The following MCF2 variants were observed in gnomAD, a reference collection of about 807,000 sequenced individuals.
MCF2 encodes the protein MCF.2 cell line derived transforming sequence.
MCF2 carries 44 observed loss-of-function variants against 82.5 expected under a neutral mutation model. That is an observed-to-expected ratio of 0.53 (90% CI 0.42 to 0.69). MCF2 has a LOEUF of 0.69. Ranked by LOEUF, MCF2 falls within the 30% of genes least tolerant of loss-of-function variation. The probability of loss-of-function intolerance (pLI) is 0.00; values close to 1 mark genes in which losing one functional copy is unlikely to be tolerated. For missense variants in MCF2, 623 were observed against 663.1 expected, an observed-to-expected ratio of 0.94 and a Z score of 0.66; for synonymous variants, 217 against 224.9, an observed-to-expected ratio of 0.96 and a Z score of 0.32.
At chrX:139,620,716 G>A (rs1340360808) in intron 6 of MCF2, among the ~76,000 whole-genome samples, 1 of 111,341 alleles carries the variant, frequency 9.0e-6, no homozygotes, top group African/African-American at 3.3e-5. Context: ...GATCATACAT[G>A]ACACAAACAA....
rs912269027 is a variant in MCF2 at position 139,595,841 on chromosome X, GTTC to G, written c.2277+705_2277+707del. Among the ~76,000 whole-genome samples, 3 of 111,601 alleles carry G rather than the reference GTTC, an allele frequency of 2.7e-5. No individual in the cohort carries two copies. In the Admixed American group the frequency reaches 2.9e-4, roughly 11 times the overall value. On this transcript the variant is annotated intron_variant, in intron 19 of 24. Transcript: ENST00000370576. ...ATTATGGGTCTCATGTGAATTGGAA[GTTC>G]TTCTTCTCTATTGGAGAAACCAGCT...
chrX:139,705,688 T>A (rs1935576712), intron 1 of MCF2, among the ~76,000 whole-genome samples: 1 of 112,154 alleles, frequency 8.9e-6, no homozygotes, highest in Non-Finnish European at 1.9e-5. Flanking sequence ...TAAAAGCAAT[T>A]GCAATAAAAC....
At chrX:139,631,320 A>G in intron 3 of MCF2, 75 bp downstream of exon 6, 1 of 581,891 alleles carries the variant, frequency 1.7e-6, no homozygotes, top group Non-Finnish European at 2.6e-6. Context: ...TTCAAATAGG[A>G]AAGAATTCTA....
chrX:139,669,114 G>A (rs186236652), intron 1 of MCF2, among the ~76,000 whole-genome samples: 5 of 111,537 alleles, frequency 4.5e-5, no homozygotes, highest in Admixed American at 2.9e-4. Context: ...CAGAATAAGA[G>A]GATATATTTG....
At chrX:139,689,991 C>T (rs150197442) in intron 1 of MCF2, among the ~76,000 whole-genome samples, 3 of 112,079 alleles carry the variant, frequency 2.7e-5, no homozygotes, top group African/African-American at 6.5e-5. Flanking sequence ...TAAATAGCTT[C>T]GAAGTATATG....
At chrX:139,652,496 T>C (rs1434936746) in intron 1 of MCF2, among the ~76,000 whole-genome samples, 1 of 111,739 alleles carries the variant, frequency 8.9e-6, no homozygotes, top group Non-Finnish European at 1.9e-5. Context: ...TCATTTTTTA[T>C]CATTACAGAT....
chrX:139,635,925 C>A (rs1246047774), intron 1 of MCF2, among the ~76,000 whole-genome samples: 1 of 110,289 alleles, frequency 9.1e-6, no homozygotes. Flanking sequence ...TCTTTGTGTT[C>A]ATAACTTCTT....
At chrX:139,625,238 C>T (rs1161134197) in intron 6 of MCF2, among the ~76,000 whole-genome samples, 1 of 111,034 alleles carries the variant, frequency 9.0e-6, no homozygotes, top group East Asian at 2.8e-4. Flanking sequence ...ATTTGGTATG[C>T]ATGCAAATTA....
intron 6 of MCF2, among the ~76,000 whole-genome samples, chrX:139,624,715 A>T (rs909586960): frequency 9.0e-6 from 1 of 111,205 alleles, no homozygotes; most frequent in African/African-American, 3.3e-5. Context: ...GACTGAGTCA[A>T]CTGACAAAAT....
At chrX:139,624,207 C>A (rs954942536) in intron 6 of MCF2, among the ~76,000 whole-genome samples, 4 of 111,121 alleles carry the variant, frequency 3.6e-5, no homozygotes, top group African/African-American at 1.3e-4. Flanking sequence ...GAGAAGATGT[C>A]CAACAAACTC....
upstream of MCF2, chrX:139,642,920 C>T: frequency 1.5e-6 from 1 of 651,639 alleles, no homozygotes; most frequent in Non-Finnish European, 1.9e-6. Context: ...CTCCTCTGCG[C>T]AGTTTGATTT....
chrX:139,632,201 C>A, intron 2 of MCF2, 134 bp downstream of exon 5: 1 of 418,573 alleles, frequency 2.4e-6, no homozygotes, highest in African/African-American at 3.0e-5. Context: ...TTGGGCATTT[C>A]AAATGTATAC....
intron 20 of MCF2, 87 bp from the exon 25 acceptor site, chrX:139,588,525 A>T: frequency 1.8e-6 from 1 of 568,284 alleles, no homozygotes; most frequent in Admixed American, 2.9e-5. Flanking sequence ...GTAATTGTGT[A>T]CATAAAATAT....
chrX:139,598,707 A>C (rs1317152127), intron 16 of MCF2, among the ~76,000 whole-genome samples: 1 of 112,022 alleles, frequency 8.9e-6, no homozygotes, highest in Non-Finnish European at 1.9e-5. Context: ...TGGAGAGGTA[A>C]ACAATTTCAA....
intron 10 of MCF2, among the ~76,000 whole-genome samples, chrX:139,614,507 A>ATG (rs10578610): frequency 0.015 from 1,548 of 102,999 alleles, 15 homozygotes; most frequent in East Asian, 0.059. Flanking sequence ...AGCAGTAAAT[A>ATG]TGTGTGTGTG....
chrX:139,702,279 T>C (rs980384117), intron 1 of MCF2: 1 of 112,416 alleles, frequency 8.9e-6, no homozygotes, highest in African/African-American at 3.2e-5. Flanking sequence ...CGTCTTTTTT[T>C]CCCTTCATGT....
chrX:139,692,802 T>TGA (rs1466577890), intron 1 of MCF2, among the ~76,000 whole-genome samples: 1 of 112,272 alleles, frequency 8.9e-6, no homozygotes, highest in East Asian at 2.8e-4. Flanking sequence ...CTGAATAGTC[T>TGA]GAGAGGTCCT....
Position 139,617,471 on chromosome X carries a change from G to A in MCF2, c.999+42C>T, listed in dbSNP as rs1001852313. 4 of 1,062,028 alleles carry A rather than the reference G, an allele frequency of 3.8e-6. No individual in the cohort carries two copies. In the Middle Eastern group the frequency reaches 7.8e-4, roughly 207 times the overall value. The allele number at this position is 1,062,028 out of a possible 1,213,427, so 87.5% of individuals were successfully genotyped here. ...AGGCTAGCAGGACCTGGAAAAAAAT[G>A]TGTGTTCCTTTTCAGAAATGGATCA... On this transcript the variant is annotated intron_variant, in intron 8 of 24. Transcript: ENST00000370576.
chrX:139,643,954 G>T (rs1208977029), upstream of MCF2, among the ~76,000 whole-genome samples: 1 of 111,733 alleles, frequency 8.9e-6, no homozygotes, highest in African/African-American at 3.2e-5. Flanking sequence ...GATAAAAAAT[G>T]TTCTAATGTA....
Sources: gnomAD v4.1 joint callset for allele counts (sites outside exome capture counted in the v4.1 genomes callset) on GRCh38, gnomAD v4.1.1 for gene constraint, MANE v1.5 for transcripts, NCBI Gene and HGNC (gene_info 2026-07-23, HGNC 2026-07-21) for gene names.